HEXIM2: variants seen among roughly 807,000 people sequenced by gnomAD.
The protein encoded by HEXIM2 is HEXIM P-TEFb complex subunit 2, also known as protein HEXIM2.
For missense variants in HEXIM2, 413 were observed against 390.8 expected (o/e 1.06, Z -0.48); for synonymous variants, 159 against 162.7 (o/e 0.98, Z 0.17).
At chr17:45,164,233 A>G (rs771430093) in intron 3 of HEXIM2, among the ~76,000 whole-genome samples, 1 of 152,078 alleles carries the variant, frequency 6.6e-6, no homozygotes, top group African/African-American at 2.4e-5. Flanking sequence ...AGGTGGGCGG[A>G]TCACCTGAGG....
chr17:45,166,770 T>C (rs1056658797), intron 3 of HEXIM2, among the ~76,000 whole-genome samples: 1 of 152,056 alleles, frequency 6.6e-6, no homozygotes, highest in Non-Finnish European at 1.5e-5. Flanking sequence ...ACACCTGTAA[T>C]CCCAGTACTT....
intron 3 of HEXIM2, among the ~76,000 whole-genome samples, chr17:45,168,207 C>T (rs916121907): frequency 2.8e-4 from 42 of 149,046 alleles, no homozygotes; most frequent in African/African-American, 9.3e-4. Flanking sequence ...TTAGGCCTTG[C>T]GCGGTGGCTC....
At chr17:45,168,714 C>T in intron 3 of HEXIM2, 1 of 302,438 alleles carries the variant, frequency 3.3e-6, no homozygotes, top group South Asian at 8.1e-5. Flanking sequence ...CTACTTTACT[C>T]ATTTGGACAG....
At chr17:45,163,505 A>C (rs2042760494) in intron 3 of HEXIM2, among the ~76,000 whole-genome samples, 1 of 152,142 alleles carries the variant, frequency 6.6e-6, no homozygotes, top group Non-Finnish European at 1.5e-5. Flanking sequence ...CTTGACCTCA[A>C]GTCCAAAGAG....
Position 45,162,811 on chromosome 17 carries a change from C to A in HEXIM2, c.18C>A (p.Asn6Lys), listed in dbSNP as rs2042737429. The A allele has an allele frequency of 6.2e-7, 1 of 1,613,810 alleles. No individual in the cohort carries two copies. Among genetic ancestry groups the A allele is most frequent in the Non-Finnish European group, 8.5e-7 (1 of 1,180,010 alleles). ...AACAGAAGATGATGGCCACTCCGAACCAGACCGCCTGTAATGCAGAGTCAC... is the reference window on the plus strand; with the variant it reads ...AACAGAAGATGATGGCCACTCCGAAACAGACCGCCTGTAATGCAGAGTCAC... MMATPNQTACNAESPV... is the reference protein window; with the variant it reads MMATPKQTACNAESPV... Residue 6 changes from asparagine (N) to lysine (K), a missense_variant, in exon 3 of 4, where the codon AAC becomes AAA. Transcript: ENST00000589230.
At position 45,169,367 on chromosome 17, in the gene HEXIM2, C is replaced by T; in HGVS notation, c.419C>T (p.Pro140Leu). The change falls in exon 4 of 4, where the codon CCC (proline) becomes CTC (leucine). Residue 140 changes from proline (P) to leucine (L), a missense_variant. Coordinates refer to ENST00000589230, the MANE Select transcript of HEXIM2 (RefSeq NM_001303441.2). Reference protein sequence around the residue: ...EMFAKGQPVAPYNTTQFLMND... With the variant: ...EMFAKGQPVALYNTTQFLMND... ...TTCGCCAAAGGCCAGCCCGTGGCCC[C>T]CTACAACACCACCCAGTTCCTGATG... The T allele has an allele frequency of 1.2e-6, 2 of 1,613,952 alleles. No homozygotes were observed. Among genetic ancestry groups the T allele is most frequent in the Non-Finnish European group, 1.7e-6 (2 of 1,180,030 alleles).
At chr17:45,167,049 G>T (rs1219594274) in intron 3 of HEXIM2, among the ~76,000 whole-genome samples, 1 of 118,220 alleles carries the variant, frequency 8.5e-6, no homozygotes, top group South Asian at 2.5e-4. Context: ...AAAAAGCCCA[G>T]GTGCAGTGGC....
upstream of HEXIM2, chr17:45,161,101 G>A (rs2042670648): frequency 4.0e-6 from 2 of 505,654 alleles, no homozygotes; most frequent in South Asian, 1.6e-5. Flanking sequence ...GTCCCTCTGT[G>A]CGGGGCCTCG....
At chr17:45,168,818 G>A (rs1233314343) in intron 3 of HEXIM2, 197 bp from the exon 4 acceptor site, 1 of 627,626 alleles carries the variant, frequency 1.6e-6, no homozygotes, top group Non-Finnish European at 2.8e-6. Context: ...CTCACCATGA[G>A]TTTACTTGGG....
At position 45,166,405 on chromosome 17, in the gene HEXIM2, G is replaced by A. The variant is rs561856359; in HGVS notation, c.67-2610G>A. On this transcript the variant is annotated intron_variant, in intron 3 of 3. Transcript: ENST00000589230. Reference sequence around the variant, plus strand: ...GCCTCCCAAAGTGCTAGGATTACCAGCGTGAGCCACTACACCCGGCCGTAA... The same window carrying A: ...GCCTCCCAAAGTGCTAGGATTACCAACGTGAGCCACTACACCCGGCCGTAA... Among the ~76,000 whole-genome samples, 4 of 152,320 alleles carry A rather than the reference G, an allele frequency of 2.6e-5. No homozygotes were observed. In the South Asian group the frequency reaches 8.3e-4, roughly 32 times the overall value.
At chr17:45,168,003 C>T (rs2042908715) in intron 3 of HEXIM2, among the ~76,000 whole-genome samples, 1 of 151,616 alleles carries the variant, frequency 6.6e-6, no homozygotes. Context: ...CCAGCCTCAG[C>T]CTCCTGCATA....
chr17:45,166,690 G>T (rs2042850617), intron 3 of HEXIM2, among the ~76,000 whole-genome samples: 1 of 152,100 alleles, frequency 6.6e-6, no homozygotes, highest in Non-Finnish European at 1.5e-5. Context: ...GTCAAGGAGG[G>T]GCTCCCTAAG....
intron 3 of HEXIM2, among the ~76,000 whole-genome samples, chr17:45,164,072 T>G (rs778165603): frequency 6.6e-6 from 1 of 151,994 alleles, no homozygotes; most frequent in Non-Finnish European, 1.5e-5. Flanking sequence ...GGAGAATCAC[T>G]TGAACCCATG....
upstream of HEXIM2, chr17:45,160,642 C>A (rs527490428): frequency 3.3e-6 from 1 of 306,658 alleles, no homozygotes; most frequent in East Asian, 8.0e-5. Flanking sequence ...GTGCCCCAAC[C>A]CTGTAAAGGG....
intron 3 of HEXIM2, among the ~76,000 whole-genome samples, chr17:45,166,426 C>T (rs75358532): frequency 8.5e-5 from 13 of 152,290 alleles, no homozygotes; most frequent in African/African-American, 1.7e-4. Context: ...TACACCCGGC[C>T]GTAAGTCTTA....
At chr17:45,168,415 A>G (rs1406981246) in intron 3 of HEXIM2, among the ~76,000 whole-genome samples, 1 of 151,678 alleles carries the variant, frequency 6.6e-6, no homozygotes, top group South Asian at 2.1e-4. Flanking sequence ...CAGAGGTTAC[A>G]GTGAGCCGAG....
chr17:45,162,377 C>T, intron 1 of HEXIM2, 111 bp from the exon 2 acceptor site: 1 of 815,720 alleles, frequency 1.2e-6, no homozygotes, highest in Non-Finnish European at 1.5e-6. Flanking sequence ...GCAGCAGCCC[C>T]GCTGCACTCC....
At chr17:45,164,151 C>G (rs553072979) in intron 3 of HEXIM2, among the ~76,000 whole-genome samples, 1 of 131,646 alleles carries the variant, frequency 7.6e-6, no homozygotes, top group Non-Finnish European at 1.6e-5. Context: ...ACAAAACTCT[C>G]TCAAAAAAAA....
In HEXIM2 at chr17:45,169,645, A is replaced by G. The variant is rs1472387829; in HGVS notation, c.697A>G (p.Arg233Gly). 1 of 1,532,572 alleles carries G rather than the reference A, an allele frequency of 6.5e-7. No homozygotes were observed. The highest frequency in any genetic ancestry group is 2.5e-5 in the East Asian group (1 of 40,640). 94.9% of individuals were successfully genotyped at this position (1,532,572 alleles called of 1,614,324 possible). A position where few individuals can be genotyped will look rare whatever the true frequency, so the allele number is the denominator to read the frequency against. Reference protein sequence around the residue: ...RLSQAEEETRRLQQLQACTGQ... With the variant: ...RLSQAEEETRGLQQLQACTGQ... ...GTCGCAGGCGGAGGAGGAGACTAGG[A>G]GGCTGCAGCAGCTGCAGGCGTGCAC... is the stretch of plus-strand genomic sequence containing the variant. Residue 233 changes from arginine (R) to glycine (G), a missense_variant, in exon 4 of 4, where the codon AGG becomes GGG. Arg to Gly is a moderately radical substitution (Grantham distance 125). Transcript: ENST00000589230.
Sources: gnomAD v4.1 joint callset for allele counts (sites outside exome capture counted in the v4.1 genomes callset) on GRCh38, gnomAD v4.1.1 for gene constraint, MANE v1.5 for transcripts, NCBI Gene and HGNC (gene_info 2026-07-23, HGNC 2026-07-21) for gene names.